The following CA10 variants were observed in gnomAD, a reference collection of about 807,000 sequenced individuals.
The protein encoded by CA10 is carbonic anhydrase-related protein 10.
A neutral mutation model predicts 44.2 loss-of-function variants in CA10; 14 were observed. The ratio of observed to expected loss-of-function variants is 0.32; its 90% CI spans 0.21 to 0.50. The LOEUF (loss-of-function observed/expected upper bound fraction) is 0.50, where lower values mean the gene tolerates loss of function less well. Among genes scored for constraint, CA10 ranks in the 20% least tolerant of loss-of-function variants. The probability of loss-of-function intolerance (pLI) is 0.99; values close to 1 mark genes in which losing one functional copy is unlikely to be tolerated. For missense variants in CA10, 350 were observed against 409.7 expected, an observed-to-expected ratio of 0.85 and a Z score of 1.26; for synonymous variants, 159 against 141.6, an observed-to-expected ratio of 1.12 and a Z score of -0.87.
chr17:52,007,078 T>TA (rs1454138019), intron 2 of CA10, among the ~76,000 whole-genome samples: 6 of 151,754 alleles, frequency 4.0e-5, no homozygotes, highest in Non-Finnish European at 8.9e-5. Flanking sequence ...GGCTGATATG[T>TA]AAAAACACTC....
chr17:51,716,608 C>T (rs1403587868), intron 4 of CA10, among the ~76,000 whole-genome samples: 1 of 152,130 alleles, frequency 6.6e-6, no homozygotes, highest in Admixed American at 6.6e-5. Context: ...ATGTCAGTGA[C>T]ATGGTTCAAA....
At chr17:51,877,489 T>C (rs1980130496) in intron 3 of CA10, among the ~76,000 whole-genome samples, 1 of 152,222 alleles carries the variant, frequency 6.6e-6, no homozygotes, top group Non-Finnish European at 1.5e-5. Flanking sequence ...TCCCGCATCA[T>C]GATGATTCTC....
chr17:52,060,587 G>A (rs1987355658), intron 2 of CA10, among the ~76,000 whole-genome samples: 2 of 152,124 alleles, frequency 1.3e-5, no homozygotes, highest in Admixed American at 6.5e-5. Flanking sequence ...TTTGAAAGAT[G>A]ACACCTGGAA....
chr17:51,648,668 C>A (rs1913436047), intron 6 of CA10, among the ~76,000 whole-genome samples: 1 of 152,148 alleles, frequency 6.6e-6, no homozygotes, highest in Admixed American at 6.5e-5. Flanking sequence ...ACTCTGGAAA[C>A]CCAAGGAAAC....
chr17:51,970,049 G>T (rs1452170120), intron 2 of CA10, among the ~76,000 whole-genome samples: 1 of 152,030 alleles, frequency 6.6e-6, no homozygotes, highest in East Asian at 1.9e-4. Context: ...GTGGAAAGGG[G>T]AAAGATGGAA....
At chr17:51,798,092 T>A (rs921901233) in intron 3 of CA10, among the ~76,000 whole-genome samples, 1 of 152,204 alleles carries the variant, frequency 6.6e-6, no homozygotes, top group African/African-American at 2.4e-5. Context: ...TCTTTTGTTT[T>A]GCTCCTTCGC....
intron 3 of CA10, among the ~76,000 whole-genome samples, chr17:51,930,607 A>G (rs1298303507): frequency 6.6e-6 from 1 of 151,994 alleles, no homozygotes; most frequent in African/African-American, 2.4e-5. Flanking sequence ...GTCTGATTTT[A>G]TTTTTGTTAA....
rs1022946287 is a variant in CA10 at position 52,003,181 on chromosome 17, G to T, written c.136+69138C>A. On this transcript the variant is annotated intron_variant, in intron 2 of 8. Transcript: ENST00000451037. ...TAACCTGTGGACCACTGTACATGTT[G>T]CTCCCCTTGCCACAGATAACCTGAC... Among the ~76,000 whole-genome samples, 7 of 151,958 alleles carry T rather than the reference G, an allele frequency of 4.6e-5. No individual in the cohort carries two copies. The South Asian group carries it at 6.2e-4, about 14-fold the overall frequency.
intron 1 of CA10, among the ~76,000 whole-genome samples, chr17:52,086,158 A>C (rs1402306873): frequency 1.3e-5 from 2 of 152,204 alleles, no homozygotes; most frequent in Non-Finnish European, 2.9e-5. Context: ...GGATGTCTTT[A>C]ATATATTCTA....
At chr17:51,708,411 A>G (rs1915827065) in intron 4 of CA10, among the ~76,000 whole-genome samples, 1 of 152,216 alleles carries the variant, frequency 6.6e-6, no homozygotes, top group Non-Finnish European at 1.5e-5. Flanking sequence ...GTTGTTGTTT[A>G]TTAAAACTTT....
At chr17:52,138,986 T>G (rs2089565387) in intron 1 of CA10, among the ~76,000 whole-genome samples, 1 of 152,262 alleles carries the variant, frequency 6.6e-6, no homozygotes, top group South Asian at 2.1e-4. Context: ...AGACAATCAT[T>G]TGGGGCACCA....
intron 2 of CA10, among the ~76,000 whole-genome samples, chr17:52,057,982 G>T (rs554151431): frequency 6.6e-5 from 10 of 152,130 alleles, no homozygotes; most frequent in African/African-American, 2.2e-4. Flanking sequence ...GTGTGACTAG[G>T]AAAGCCATGA....
intron 3 of CA10, among the ~76,000 whole-genome samples, chr17:51,793,496 A>C (rs1906599251): frequency 6.6e-6 from 1 of 152,154 alleles, no homozygotes; most frequent in South Asian, 2.1e-4. Context: ...AACTTATTAC[A>C]TTATCACCCA....
chr17:52,129,393 T>C (rs969841241), intron 1 of CA10, among the ~76,000 whole-genome samples: 2 of 152,230 alleles, frequency 1.3e-5, no homozygotes, highest in Non-Finnish European at 2.9e-5. Flanking sequence ...ATGCTTTACA[T>C]GAATTAATTC....
At chr17:51,947,267 C>T (rs554635964) in intron 2 of CA10, among the ~76,000 whole-genome samples, 2 of 136,568 alleles carry the variant, frequency 1.5e-5, no homozygotes, top group Non-Finnish European at 3.1e-5. Flanking sequence ...CTTGTCTAGA[C>T]TTTGAGTCAC....
At chr17:51,817,851 G>A (rs1023520601) in intron 3 of CA10, among the ~76,000 whole-genome samples, 4 of 152,130 alleles carry the variant, frequency 2.6e-5, no homozygotes, top group African/African-American at 4.8e-5. Context: ...AATATAGGAA[G>A]GAAACTACCA....
chr17:51,653,447 A>G (rs1220874073), intron 5 of CA10, among the ~76,000 whole-genome samples, 194 bp downstream of exon 5: 2 of 151,696 alleles, frequency 1.3e-5, no homozygotes, highest in Non-Finnish European at 2.9e-5. Context: ...TGAAATGGAG[A>G]TTATCATTTT....
At chr17:51,883,049 G>C (rs373963699) in intron 3 of CA10, among the ~76,000 whole-genome samples, 1 of 152,116 alleles carries the variant, frequency 6.6e-6, no homozygotes, top group African/African-American at 2.4e-5. Context: ...AACTATTAGT[G>C]GTGGGTCATC....
intron 1 of CA10, among the ~76,000 whole-genome samples, chr17:52,087,462 C>G (rs1988148365): frequency 6.6e-6 from 1 of 152,054 alleles, no homozygotes; most frequent in South Asian, 2.1e-4. Context: ...TATTTAAATG[C>G]TAGACAAAAA....
Sources: allele counts gnomAD v4.1 joint callset (sites outside exome capture counted in the v4.1 genomes callset), GRCh38; gene constraint gnomAD v4.1.1; transcripts MANE v1.5; gene names NCBI Gene and HGNC (gene_info 2026-07-23, HGNC 2026-07-21).